The following PPP2R2C variants were observed in gnomAD, a reference collection of about 807,000 sequenced individuals.
The protein encoded by PPP2R2C is protein phosphatase 2, regulatory subunit B, gamma.
Under a neutral mutation model 45.3 loss-of-function variants are expected in PPP2R2C, and 10 were observed. That is an observed-to-expected ratio of 0.22 (90% CI 0.14 to 0.37). The LOEUF (loss-of-function observed/expected upper bound fraction) is 0.37. Ranked by LOEUF, PPP2R2C falls within the 10% of genes least tolerant of loss-of-function variation. PPP2R2C has a pLI of 1.00. For synonymous variants in PPP2R2C, 257 were observed against 245.4 expected, an observed-to-expected ratio of 1.05 and a Z score of -0.44; for missense variants, 308 against 619.7, an observed-to-expected ratio of 0.50 and a Z score of 5.34.
At chr4:6,472,844 C>T (rs1399986628), upstream of PPP2R2C, among the ~76,000 whole-genome samples, 4 of 151,850 alleles carry the variant, frequency 2.6e-5, no homozygotes, top group African/African-American at 9.7e-5. Flanking sequence ...GGGGAGGGTA[C>T]CTTGGGTGCC....
At chr4:6,531,943 C>A (rs1724417102) in intron 2 of PPP2R2C, among the ~76,000 whole-genome samples, 1 of 152,228 alleles carries the variant, frequency 6.6e-6, no homozygotes, top group South Asian at 2.1e-4. Context: ...CTTCCCAGGT[C>A]TCATCCCCCA....
chr4:6,449,268 C>T (rs1458738332), intron 1 of PPP2R2C, among the ~76,000 whole-genome samples: 2 of 152,324 alleles, frequency 1.3e-5, no homozygotes, highest in Admixed American at 1.3e-4. Flanking sequence ...TGTTGATCAA[C>T]AGCCAATTGC....
intron 2 of PPP2R2C, among the ~76,000 whole-genome samples, chr4:6,503,012 C>T (rs1723108876): frequency 6.6e-6 from 1 of 152,180 alleles, no homozygotes; most frequent in African/African-American, 2.4e-5. Context: ...TCCCACTTCT[C>T]AGCCCTTCCT....
Position 6,332,097 on chromosome 4 carries a change from C to T in PPP2R2C, c.960+1465G>A, listed in dbSNP as rs1732453201. ...TTTCAGAAAGCTGTGTCCCCCTCCC[C>T]CTGAAAATGCTCATAGAACACATTC... On this transcript the variant is annotated intron_variant, in intron 7 of 8. Coordinates refer to ENST00000382599, the MANE Select transcript of PPP2R2C (RefSeq NM_020416.4). The surrounding 1 kb of genome is among the most constrained non-coding windows in gnomAD (Gnocchi z 4.9). Among the ~76,000 whole-genome samples the T allele has an allele frequency of 6.6e-6, 1 of 152,202 alleles. No individual in the cohort carries two copies. Among genetic ancestry groups the T allele is most frequent in the Non-Finnish European group, 1.5e-5 (1 of 68,038 alleles).
intron 2 of PPP2R2C, among the ~76,000 whole-genome samples, chr4:6,515,870 C>T (rs533017270): frequency 6.6e-6 from 1 of 152,306 alleles, no homozygotes; most frequent in Admixed American, 6.5e-5. Flanking sequence ...TTCCTCACCT[C>T]TCCCAGCTTC....
At position 6,460,247 on chromosome 4, in the gene PPP2R2C, T is replaced by C. The variant is rs948150357; in HGVS notation, c.70+11913A>G. Among the ~76,000 whole-genome samples the C allele has an allele frequency of 2.6e-5, 4 of 151,986 alleles. No homozygotes were observed. In the East Asian group the frequency reaches 7.7e-4, roughly 29 times the overall value. On this transcript the variant is annotated intron_variant, in intron 1 of 8. Coordinates refer to ENST00000382599, the MANE Select transcript of PPP2R2C (RefSeq NM_020416.4). Reference sequence around the variant, plus strand: ...AGGACCTTTAACAAGGTGACGAAGGTAAAATGCAGTCATATGGATGAGCCC... The same window carrying C: ...AGGACCTTTAACAAGGTGACGAAGGCAAAATGCAGTCATATGGATGAGCCC...
intron 1 of PPP2R2C, among the ~76,000 whole-genome samples, chr4:6,394,533 A>G (rs1288418680): frequency 6.6e-6 from 1 of 152,232 alleles, no homozygotes; most frequent in Non-Finnish European, 1.5e-5. Context: ...TGTCCTGCTT[A>G]TGTGAGTCAG....
At chr4:6,346,517 ACTGT>A (rs1296229778) in intron 6 of PPP2R2C, among the ~76,000 whole-genome samples, 5 of 152,076 alleles carry the variant, frequency 3.3e-5, no homozygotes, top group Non-Finnish European at 4.4e-5. Context: ...GTGTGTGTTC[ACTGT>A]CTGTCTCCCC....
intron 1 of PPP2R2C, among the ~76,000 whole-genome samples, chr4:6,556,453 G>A (rs573870944): frequency 6.6e-6 from 1 of 152,258 alleles, no homozygotes; most frequent in East Asian, 1.9e-4. Context: ...CCAGCTTCCG[G>A]ATGGAGCTCA....
At chr4:6,530,376 A>T (rs1724355451) in intron 2 of PPP2R2C, among the ~76,000 whole-genome samples, 1 of 152,084 alleles carries the variant, frequency 6.6e-6, no homozygotes, top group Non-Finnish European at 1.5e-5. Context: ...ACCTGCACTG[A>T]CTTTAACCCC....
rs115534916 is a variant in PPP2R2C, at chr4:6,543,000, C to T, written c.-58-7623G>A. ...GCAGGGAGGCCTGCATTTCAAAGAA[C>T]AGAAGCATGTTTGGCCAACAGAGTG... On this transcript the variant is annotated intron_variant, in intron 1 of 9. Coordinates refer to the PPP2R2C transcript ENST00000506140. Among the ~76,000 whole-genome samples, 1,064 of 152,368 alleles carry T rather than the reference C, an allele frequency of 7.0e-3. 16 individuals carry two copies. The highest frequency in any genetic ancestry group is 0.025 in the African/African-American group (1,027 of 41,588).
At chr4:6,390,684 G>A (rs527273900) in intron 1 of PPP2R2C, among the ~76,000 whole-genome samples, 2 of 152,294 alleles carry the variant, frequency 1.3e-5, no homozygotes, top group South Asian at 2.1e-4. Context: ...CTCATTCCGG[G>A]CCAGGGAACG....
chr4:6,522,419 C>CA (rs758698263), intron 2 of PPP2R2C, among the ~76,000 whole-genome samples: 1 of 152,250 alleles, frequency 6.6e-6, no homozygotes, highest in African/African-American at 2.4e-5. Flanking sequence ...CCAGACCCCA[C>CA]AGCTGGGGAC....
intron 2 of PPP2R2C, among the ~76,000 whole-genome samples, chr4:6,481,558 A>G (rs2108778778): frequency 6.6e-6 from 1 of 152,320 alleles, no homozygotes; most frequent in African/African-American, 2.4e-5. Flanking sequence ...GTAGAGAGAC[A>G]GCTTTATAAC....
chr4:6,494,423 A>T (rs2108788558), intron 2 of PPP2R2C, among the ~76,000 whole-genome samples: 1 of 152,348 alleles, frequency 6.6e-6, no homozygotes, highest in South Asian at 2.1e-4. Flanking sequence ...AGACAGGAAC[A>T]CAGCACCTCC....
intron 2 of PPP2R2C, among the ~76,000 whole-genome samples, chr4:6,512,797 G>A (rs1277469008): frequency 6.6e-6 from 1 of 151,860 alleles, no homozygotes; most frequent in Non-Finnish European, 1.5e-5. Context: ...GTACATAACA[G>A]TGTCCAGGGT....
chr4:6,464,513 T>A (rs1421040756), intron 1 of PPP2R2C, among the ~76,000 whole-genome samples: 1 of 152,182 alleles, frequency 6.6e-6, no homozygotes, highest in Non-Finnish European at 1.5e-5. Flanking sequence ...AATGTCACCC[T>A]GGCACATAAC....
chr4:6,470,871 G>C lies in PPP2R2C; in HGVS notation c.70+1289C>G, dbSNP rs551406256. Among the ~76,000 whole-genome samples the C allele has an allele frequency of 3.7e-4, 56 of 151,978 alleles. No individual in the cohort carries two copies. The East Asian group carries it at 9.9e-3, about 27-fold the overall frequency. On this transcript the variant is annotated intron_variant, in intron 1 of 8. Transcript: ENST00000382599. ...TGCGTGACTCAGCGGTTCTCCCGCC[G>C]GGAGCGGGCGCGGCCCCCGCAGCCT...
At chr4:6,367,279 G>A (rs1714407390) in intron 5 of PPP2R2C, among the ~76,000 whole-genome samples, 4 of 152,096 alleles carry the variant, frequency 2.6e-5, no homozygotes, top group African/African-American at 7.2e-5. Flanking sequence ...TTGCTGAGAC[G>A]GGAAGTGTTA....
Sources: gnomAD v4.1 joint callset for allele counts (sites outside exome capture counted in the v4.1 genomes callset) on GRCh38, gnomAD v4.1.1 for gene constraint, Gnocchi (gnomAD v3.1) non-coding constraint, MANE v1.5 for transcripts, NCBI Gene and HGNC (gene_info 2026-07-23, HGNC 2026-07-21) for gene names.